CLASP2: variants seen among roughly 807,000 people sequenced by gnomAD.
The protein encoded by CLASP2 is CLIP-associating protein 2.
A neutral mutation model predicts 194.4 loss-of-function variants in CLASP2; 47 were observed. That is an observed-to-expected ratio of 0.24 (90% CI 0.19 to 0.31). The LOEUF (loss-of-function observed/expected upper bound fraction) is 0.31, where lower values mean the gene tolerates loss of function less well. CLASP2 is among the 10% of genes least tolerant of loss of function. CLASP2 has a pLI of 1.00. For synonymous variants in CLASP2, 619 were observed against 633.5 expected, an observed-to-expected ratio of 0.98 and a Z score of 0.34; for missense variants, 1,445 against 1,823.6, an observed-to-expected ratio of 0.79 and a Z score of 3.78.
intron 23 of CLASP2, among the ~76,000 whole-genome samples, chr3:33,579,863 C>G (rs1482838954): frequency 1.3e-5 from 2 of 152,130 alleles, no homozygotes; most frequent in East Asian, 3.9e-4. Flanking sequence ...CACCCAACTC[C>G]ACTTCCCTCC....
Position 33,551,310 on chromosome 3 carries a change from A to C in CLASP2, c.3095T>G (p.Leu1032Arg). 1 of 1,613,846 alleles carries C rather than the reference A, an allele frequency of 6.2e-7. No individual in the cohort carries two copies. Among genetic ancestry groups the C allele is most frequent in the Non-Finnish European group, 8.5e-7 (1 of 1,179,802 alleles). ...GDFINSSETR[L>R]AVSRVITWTT... is the part of the protein sequence containing the mutation. ...CCAAGTGATGACCCGAGACACTGCTAGGCGAGTTTCACTGGAATTTATAAA... is the reference window on the plus strand; with the variant it reads ...CCAAGTGATGACCCGAGACACTGCTCGGCGAGTTTCACTGGAATTTATAAA... The change falls in exon 30 of 39, where the codon CTA (leucine) becomes CGA (arginine). Residue 1032 changes from leucine (L) to arginine (R), a missense_variant. Leu to Arg is a moderately radical substitution (Grantham distance 102). Coordinates refer to ENST00000682230, the MANE Select transcript of CLASP2 (RefSeq NM_001365631.1).
intron 7 of CLASP2, chr3:33,659,282 C>T (rs1278489205): frequency 5.0e-6 from 6 of 1,194,642 alleles, no homozygotes; most frequent in Non-Finnish European, 6.2e-6. Context: ...TATGATGTTT[C>T]TCCTTGTACT....
chr3:33,558,758 A>T (rs1469919380), intron 29 of CLASP2: 1 of 153,102 alleles, frequency 6.5e-6, no homozygotes, highest in African/African-American at 2.4e-5. Flanking sequence ...GATTAAATTT[A>T]AAAAATTTTG....
In CLASP2 at chr3:33,706,189, A is replaced by G. The variant is rs73055651; in HGVS notation, c.196-9256T>C. Among the ~76,000 whole-genome samples, 3 of 152,286 alleles carry G rather than the reference A, an allele frequency of 2.0e-5. No homozygotes were observed. The East Asian group carries it at 5.8e-4, about 29-fold the overall frequency. ...CCTGAGCCCGGGACGTCAAGTCTGC[A>G]GTGAGTCATGATGGTGCCACCGCAC... On this transcript the variant is annotated intron_variant, in intron 1 of 38. Transcript: ENST00000682230.
At chr3:33,694,729 A>G (rs948114811) in intron 2 of CLASP2, among the ~76,000 whole-genome samples, 2 of 152,218 alleles carry the variant, frequency 1.3e-5, no homozygotes, top group African/African-American at 4.8e-5. Flanking sequence ...CAAGCCAGAA[A>G]TAAGAATTTT....
intron 27 of CLASP2, among the ~76,000 whole-genome samples, chr3:33,563,406 G>T (rs1560046905): frequency 6.6e-6 from 1 of 151,982 alleles, no homozygotes; most frequent in Non-Finnish European, 1.5e-5. Context: ...CCTTTTTCCT[G>T]GCCTTCTCCA....
At chr3:33,534,558 C>A (rs1409091113) in intron 34 of CLASP2, among the ~76,000 whole-genome samples, 1 of 152,172 alleles carries the variant, frequency 6.6e-6, no homozygotes, top group African/African-American at 2.4e-5. Context: ...CAGAGTGACA[C>A]CCAGTCTCTT....
At chr3:33,716,532 G>T (rs2093309587) in intron 1 of CLASP2, among the ~76,000 whole-genome samples, 1 of 152,246 alleles carries the variant, frequency 6.6e-6, no homozygotes, top group East Asian at 1.9e-4. Flanking sequence ...TTACCAAAGC[G>T]CTGTCTTTCT....
chr3:33,649,399 A>G (rs1310817750), intron 7 of CLASP2, among the ~76,000 whole-genome samples: 1 of 152,184 alleles, frequency 6.6e-6, no homozygotes, highest in Non-Finnish European at 1.5e-5. Context: ...TGCCCCTGTT[A>G]TATCTTCAAC....
At chr3:33,663,367 A>G (rs1477216011) in intron 7 of CLASP2, 78 bp downstream of exon 7, 3 of 957,794 alleles carry the variant, frequency 3.1e-6, no homozygotes, top group African/African-American at 1.7e-5. Flanking sequence ...CTTTTGAATC[A>G]GTGATATATA....
At position 33,582,075 on chromosome 3, in the gene CLASP2, A is replaced by T. The variant is rs2066289202; in HGVS notation, c.2240-147T>A. 1.5e-5 allele frequency: 9 copies of T among 603,904 alleles called. No individual in the cohort carries two copies. The East Asian group carries it at 2.2e-4, about 15-fold the overall frequency. The allele number at this position is 603,904 out of a possible 1,614,324, so 37.4% of individuals were successfully genotyped here. ...GAAAAGAAATTACTCTTGCTGAAGC[A>T]TTACCAGGAATACAGTTAAATTCTT... On this transcript the variant is annotated intron_variant, in intron 22 of 38. Coordinates refer to ENST00000682230, the MANE Select transcript of CLASP2 (RefSeq NM_001365631.1).
chr3:33,611,710 A>T (rs2075219424), intron 13 of CLASP2, among the ~76,000 whole-genome samples: 1 of 152,126 alleles, frequency 6.6e-6, no homozygotes, highest in African/African-American at 2.4e-5. Context: ...CAGTTGTAGG[A>T]CTCAAGCCCA....
intron 1 of CLASP2, among the ~76,000 whole-genome samples, chr3:33,706,276 A>G (rs1180407634): frequency 6.6e-6 from 1 of 152,202 alleles, no homozygotes; most frequent in Non-Finnish European, 1.5e-5. Context: ...ACACAAAGAC[A>G]CAATGATGGA....
chr3:33,649,685 G>C (rs1017854551), intron 7 of CLASP2, among the ~76,000 whole-genome samples: 4 of 152,184 alleles, frequency 2.6e-5, no homozygotes, highest in Admixed American at 6.5e-5. Flanking sequence ...CAGTCTAACA[G>C]AGGACTCTTC....
chr3:33,528,770 G>T (rs1316202897), intron 34 of CLASP2, among the ~76,000 whole-genome samples: 2 of 150,894 alleles, frequency 1.3e-5, no homozygotes, highest in Non-Finnish European at 3.0e-5. Flanking sequence ...TCGAAATAAA[G>T]AAAGAAAGAA....
chr3:33,506,377 CGAAAAAAAAAAAAAAAAA>C (rs2048218650), intron 37 of CLASP2, among the ~76,000 whole-genome samples: 1 of 61,890 alleles, frequency 1.6e-5, no homozygotes, highest in African/African-American at 5.7e-5. Context: ...GACTCTGTCT[CGAAAAAAAAAAAAAAAAA>C]AAAAAAAAAA....
At chr3:33,608,482 A>T in intron 14 of CLASP2, 85 bp downstream of exon 14, 1 of 1,073,952 alleles carries the variant, frequency 9.3e-7, no homozygotes, top group Non-Finnish European at 1.4e-6. Context: ...CAAAATGAGA[A>T]ATAATGTAAA....
chr3:33,713,062 C>G (rs2093112519), intron 1 of CLASP2, among the ~76,000 whole-genome samples: 1 of 145,692 alleles, frequency 6.9e-6, no homozygotes, highest in Non-Finnish European at 1.5e-5. Flanking sequence ...CACCAGCAAC[C>G]ATACACCTGT....
chr3:33,551,614 C>T (rs186446018), intron 29 of CLASP2, among the ~76,000 whole-genome samples: 2 of 152,240 alleles, frequency 1.3e-5, no homozygotes, highest in East Asian at 3.9e-4. Flanking sequence ...CCATCATGCC[C>T]AGCCAGGTGA....
Sources: allele counts gnomAD v4.1 joint callset (sites outside exome capture counted in the v4.1 genomes callset), GRCh38; gene constraint gnomAD v4.1.1; transcripts MANE v1.5; gene names NCBI Gene and HGNC (gene_info 2026-07-23, HGNC 2026-07-21).